The following ITSN1 variants were observed in gnomAD, a reference collection of about 807,000 sequenced individuals.
The protein encoded by ITSN1 is intersectin 1, also known as intersectin-1.
In ITSN1, 58 loss-of-function variants were observed where a neutral mutation model predicts 239.8. The observed-to-expected ratio is 0.24, with a 90% confidence interval of 0.20 to 0.30. The LOEUF (loss-of-function observed/expected upper bound fraction) is 0.30, where lower values mean the gene tolerates loss of function less well. Ranked by LOEUF, ITSN1 falls within the 10% of genes least tolerant of loss-of-function variation. The pLI, the probability that ITSN1 is intolerant of heterozygous loss-of-function variation, is 1.00. For synonymous variants in ITSN1, 780 were observed against 770.8 expected (o/e 1.01, Z -0.20); for missense variants, 1,558 against 2,103.3 (o/e 0.74, Z 5.07).
chr21:33,865,328 C>A lies in ITSN1; in HGVS notation c.4068C>A (p.Phe1356Leu). ...KTDEAPDFKE[F>L]VKRLAMDPRC... is the part of the protein sequence containing the mutation. ...ATGAGGCCCCAGACTTCAAGGAGTT[C>A]GTCAAAGTAAGGAGCCAGGCTGTGC... is the stretch of plus-strand genomic sequence containing the variant. The change falls in exon 32 of 40, where the codon TTC becomes TTA. Residue 1356 changes from phenylalanine (F) to leucine (L), a missense_variant. This residue lies in a region of ITSN1 where 576 missense variants were observed against 893.3 expected (regional missense o/e 0.64). Transcript: ENST00000381318. The surrounding 1 kb of genome is among the most constrained non-coding windows in gnomAD (Gnocchi z 4.4). 1.3e-6 allele frequency: 2 copies of A among 1,560,132 alleles called. No individual in the cohort carries two copies. Among genetic ancestry groups the A allele is most frequent in the East Asian group, 2.3e-5 (1 of 42,936 alleles).
chr21:33,807,707 C>T (rs1038679346), intron 20 of ITSN1, among the ~76,000 whole-genome samples: 2 of 152,148 alleles, frequency 1.3e-5, no homozygotes, highest in African/African-American at 4.8e-5. Context: ...AAGCAGCTGA[C>T]CTTTGAGGAG....
intron 12 of ITSN1, among the ~76,000 whole-genome samples, chr21:33,773,931 C>T (rs7281759): frequency 0.022 from 3,362 of 152,210 alleles, 77 homozygotes; most frequent in African/African-American, 0.062. Flanking sequence ...CCGCCTGCCT[C>T]GGCCTACCAA....
chr21:33,790,144 C>T (rs1007021113), intron 16 of ITSN1, among the ~76,000 whole-genome samples: 8 of 152,030 alleles, frequency 5.3e-5, no homozygotes, highest in African/African-American at 1.9e-4. Flanking sequence ...GAAAAATGCC[C>T]ATATACCCCA....
At chr21:33,644,439 G>T (rs535529850) in intron 1 of ITSN1, among the ~76,000 whole-genome samples, 1 of 152,138 alleles carries the variant, frequency 6.6e-6, no homozygotes, top group Non-Finnish European at 1.5e-5. Flanking sequence ...TAAAAAAATG[G>T]TATTTCTTTA....
At chr21:33,698,743 C>T (rs566069369) in intron 1 of ITSN1, among the ~76,000 whole-genome samples, 3 of 152,246 alleles carry the variant, frequency 2.0e-5, no homozygotes, top group East Asian at 3.9e-4. Flanking sequence ...TACCTCTTGC[C>T]TTTATGTGTA....
At chr21:33,867,534 C>T (rs898956020) in intron 33 of ITSN1, among the ~76,000 whole-genome samples, 1 of 151,824 alleles carries the variant, frequency 6.6e-6, no homozygotes, top group Non-Finnish European at 1.5e-5. Context: ...GGCACGGTGG[C>T]CCGCGCCTGT....
At chr21:33,659,093 GA>G (rs1474471793) in intron 1 of ITSN1, among the ~76,000 whole-genome samples, 1 of 152,196 alleles carries the variant, frequency 6.6e-6, no homozygotes, top group African/African-American at 2.4e-5. Flanking sequence ...AGAGGGACTG[GA>G]AATTGAGTTC....
At chr21:33,792,304 T>C (rs1486139433) in intron 16 of ITSN1, among the ~76,000 whole-genome samples, 2 of 152,104 alleles carry the variant, frequency 1.3e-5, no homozygotes, top group East Asian at 3.9e-4. Flanking sequence ...TCCTGGGTTC[T>C]CGCCATTCTC....
chr21:33,875,574 C>A, intron 34 of ITSN1, 53 bp downstream of exon 34: 2 of 1,551,504 alleles, frequency 1.3e-6, no homozygotes, highest in Non-Finnish European at 1.8e-6. Flanking sequence ...CCTCGCCTGC[C>A]AGCCTGGAGG....
Position 33,751,921 on chromosome 21 carries a change from T to A in ITSN1, c.623+15T>A. 2 of 1,568,728 alleles carry A rather than the reference T, an allele frequency of 1.3e-6. No individual in the cohort carries two copies. The highest frequency in any genetic ancestry group is 1.8e-6 in the Non-Finnish European group (2 of 1,139,276). Reference sequence around the variant, plus strand: ...GATGTGGCCAGGTAAGTTTGCTTGTTTTTAAATGGGAAGTTTGGTTAAGGC... The same window carrying A: ...GATGTGGCCAGGTAAGTTTGCTTGTATTTAAATGGGAAGTTTGGTTAAGGC... On this transcript the variant is annotated intron_variant, in intron 7 of 39. Coordinates refer to ENST00000381318, the MANE Select transcript of ITSN1 (RefSeq NM_003024.3).
In ITSN1 at chr21:33,836,721, T is replaced by G; in HGVS notation, c.3661+89T>G. 13 of 1,135,960 alleles carry G rather than the reference T, an allele frequency of 1.1e-5. No individual in the cohort carries two copies. The South Asian group carries it at 1.9e-4, about 17-fold the overall frequency. 70.4% of individuals were successfully genotyped at this position (1,135,960 alleles called of 1,614,324 possible). A position where few individuals can be genotyped will look rare whatever the true frequency, so the allele number is the denominator to read the frequency against. On this transcript the variant is annotated intron_variant, in intron 29 of 39. Coordinates refer to ENST00000381318, the MANE Select transcript of ITSN1 (RefSeq NM_003024.3). ...TGCTCTGATTCTGCTGAGCTTTGTT[T>G]GCAGAACTTAAAGCTAGACCATTGC...
At chr21:33,868,367 G>C (rs538442673) in intron 33 of ITSN1, among the ~76,000 whole-genome samples, 1,585 of 152,374 alleles carry the variant, frequency 0.01, 34 homozygotes, top group African/African-American at 0.036. Context: ...GTGGAGCAGG[G>C]GGCGGCGCTC....
chr21:33,818,981 C>T (rs1359069762), intron 23 of ITSN1, among the ~76,000 whole-genome samples: 2 of 152,154 alleles, frequency 1.3e-5, no homozygotes, highest in Non-Finnish European at 2.9e-5. Context: ...GAGCATCTCT[C>T]AGTCAGTCAT....
At chr21:33,845,830 C>T (rs1322106172) in intron 29 of ITSN1, among the ~76,000 whole-genome samples, 1 of 152,206 alleles carries the variant, frequency 6.6e-6, no homozygotes, top group Non-Finnish European at 1.5e-5. Flanking sequence ...GAAAACATCC[C>T]CTTTGACCCT....
intron 9 of ITSN1, among the ~76,000 whole-genome samples, chr21:33,762,490 C>T (rs1238137086): frequency 3.3e-5 from 5 of 151,968 alleles, no homozygotes; most frequent in African/African-American, 1.2e-4. Flanking sequence ...GTCTTGAACT[C>T]CCAACCTCAG....
chr21:33,847,339 C>A lies in ITSN1; in HGVS notation c.3662-9397C>A, dbSNP rs9653713. On this transcript the variant is annotated intron_variant, in intron 29 of 39. Coordinates refer to ENST00000381318, the MANE Select transcript of ITSN1 (RefSeq NM_003024.3). ...CCCCCACCAGTCCCCACCAGCCCTG[C>A]GCTCCAAGGACAAGCACAACCTCTC... Among the ~76,000 whole-genome samples, 1,255 of 152,328 alleles carry A rather than the reference C, an allele frequency of 8.2e-3. 8 individuals are homozygous for A. The highest frequency in any genetic ancestry group is 0.024 in the Middle Eastern group (7 of 294).
chr21:33,661,265 T>C (rs2089531126), intron 1 of ITSN1, among the ~76,000 whole-genome samples: 1 of 152,064 alleles, frequency 6.6e-6, no homozygotes. Flanking sequence ...CTAGTTTAGC[T>C]CACAACTCAA....
chr21:33,730,995 C>T (rs1435591021), intron 4 of ITSN1, among the ~76,000 whole-genome samples: 2 of 152,178 alleles, frequency 1.3e-5, no homozygotes, highest in Middle Eastern at 3.2e-3. Context: ...CGCGCCCAGC[C>T]GTAACTACCA....
intron 6 of ITSN1, among the ~76,000 whole-genome samples, chr21:33,750,787 C>T (rs1449034679): frequency 1.3e-5 from 2 of 152,076 alleles, no homozygotes; most frequent in Non-Finnish European, 2.9e-5. Context: ...GTATTACATG[C>T]CTGCTTAATT....
Sources: allele counts gnomAD v4.1 joint callset (sites outside exome capture counted in the v4.1 genomes callset), GRCh38; gene constraint gnomAD v4.1.1; regional missense constraint gnomAD v4.1.1; non-coding constraint Gnocchi (gnomAD v3.1); transcripts MANE v1.5; gene names NCBI Gene and HGNC (gene_info 2026-07-23, HGNC 2026-07-21).